CNTNAP2: variants seen among roughly 807,000 people sequenced by gnomAD.
CNTNAP2 encodes the protein contactin-associated protein-like 2.
Under a neutral mutation model 155.2 loss-of-function variants are expected in CNTNAP2, and 98 were observed. That is an observed-to-expected ratio of 0.63 (90% confidence interval 0.54 to 0.75). CNTNAP2 has a LOEUF of 0.75. Among genes scored for constraint, CNTNAP2 ranks in the 30% least tolerant of loss-of-function variants. The probability of loss-of-function intolerance (pLI) is 0.00; values close to 1 mark genes in which losing one functional copy is unlikely to be tolerated. For missense variants in CNTNAP2, 1,727 were observed against 1,688.1 expected (o/e 1.02, Z -0.40); for synonymous variants, 651 against 631.2 (o/e 1.03, Z -0.47).
intron 1 of CNTNAP2, among the ~76,000 whole-genome samples, chr7:146,156,104 C>T (rs563376611): frequency 1.2e-4 from 19 of 152,178 alleles, no homozygotes; most frequent in East Asian, 1.9e-4. Context: ...CTTCCCACAT[C>T]GTCTGGAACA....
intron 11 of CNTNAP2, among the ~76,000 whole-genome samples, chr7:147,543,877 C>A (rs745392557): frequency 2.0e-5 from 3 of 152,158 alleles, no homozygotes; most frequent in Non-Finnish European, 4.4e-5. Flanking sequence ...GGCTAAGTAA[C>A]CTCTTGTCTT....
At position 147,132,226 on chromosome 7, in the gene CNTNAP2, C is replaced by T; in HGVS notation, c.1084-19C>T. ...TTTTATTCTGTGTTTTCCTCAGAGC[C>T]TGTCTTTCTATTTTACAGGGAAATT... On this transcript the variant is annotated intron_variant, in intron 7 of 23. Coordinates refer to ENST00000361727, the MANE Select transcript of CNTNAP2 (RefSeq NM_014141.6). 6.2e-7 allele frequency: 1 copy of T among 1,613,288 alleles called. No homozygotes were observed. The highest frequency in any genetic ancestry group is 8.5e-7 in the Non-Finnish European group (1 of 1,179,516).
chr7:146,492,452 C>A (rs1797155208), intron 1 of CNTNAP2, among the ~76,000 whole-genome samples: 1 of 152,178 alleles, frequency 6.6e-6, no homozygotes, highest in South Asian at 2.1e-4. Flanking sequence ...TTTGGAGTTT[C>A]ATCTTAGTTC....
At chr7:147,692,495 G>T (rs755821052) in intron 13 of CNTNAP2, among the ~76,000 whole-genome samples, 1 of 152,054 alleles carries the variant, frequency 6.6e-6, no homozygotes, top group Non-Finnish European at 1.5e-5. Flanking sequence ...AGCTGTCATT[G>T]CTTCACATTC....
At chr7:147,524,976 G>T (rs555344568) in intron 11 of CNTNAP2, among the ~76,000 whole-genome samples, 45 of 152,276 alleles carry the variant, frequency 3.0e-4, no homozygotes, top group Admixed American at 2.4e-3. Context: ...TGAAACAATT[G>T]CTTGTTATAT....
intron 21 of CNTNAP2, among the ~76,000 whole-genome samples, chr7:148,295,737 C>T (rs1440026520): frequency 1.3e-5 from 2 of 151,944 alleles, no homozygotes; most frequent in Non-Finnish European, 2.9e-5. Context: ...GTGATCCATC[C>T]GCCTCGGCCT....
chr7:147,898,719 C>T (rs765065902), intron 13 of CNTNAP2, among the ~76,000 whole-genome samples: 1 of 152,106 alleles, frequency 6.6e-6, no homozygotes, highest in Admixed American at 6.5e-5. Context: ...GGGGTTTCAC[C>T]ATCTTGGCCA....
intron 20 of CNTNAP2, among the ~76,000 whole-genome samples, chr7:148,234,658 TAG>T (rs1369202717): frequency 6.6e-6 from 1 of 152,182 alleles, no homozygotes; most frequent in East Asian, 1.9e-4. Flanking sequence ...AACAAGTCTG[TAG>T]AGAGTGAGGT....
rs150716769 is a variant in CNTNAP2, at chr7:148,181,634, G to T, written c.3010+9156G>T. Among the ~76,000 whole-genome samples the T allele has an allele frequency of 7.9e-3, 1,194 of 151,242 alleles. 8 individuals carry two copies. The highest frequency in any genetic ancestry group is 0.018 in the South Asian group (86 of 4,784). ...AGAGAAAGAGATTTAAAAATTCAGTGCAGAAAAAGCAAGTCCTCCGTAAAC... is the reference window on the plus strand; with the variant it reads ...AGAGAAAGAGATTTAAAAATTCAGTTCAGAAAAAGCAAGTCCTCCGTAAAC... On this transcript the variant is annotated intron_variant, in intron 18 of 23. Transcript: ENST00000361727.
chr7:146,612,914 A>G (rs187723217), intron 1 of CNTNAP2, among the ~76,000 whole-genome samples: 1 of 140,652 alleles, frequency 7.1e-6, no homozygotes, highest in Non-Finnish European at 1.5e-5. Flanking sequence ...TGTTTCACTT[A>G]TAGCTCTAAC....
intron 9 of CNTNAP2, among the ~76,000 whole-genome samples, chr7:147,348,682 A>T (rs1189904041): frequency 1.3e-5 from 2 of 152,052 alleles, no homozygotes; most frequent in Non-Finnish European, 2.9e-5. Flanking sequence ...TAGCAAAGAG[A>T]TATCTACACC....
chr7:148,205,070 C>T (rs1418061453), intron 18 of CNTNAP2, among the ~76,000 whole-genome samples: 2 of 152,242 alleles, frequency 1.3e-5, no homozygotes, highest in Non-Finnish European at 2.9e-5. Context: ...GCTGAATCAA[C>T]AAACTCACAA....
At chr7:146,467,089 A>G (rs1207457166) in intron 1 of CNTNAP2, among the ~76,000 whole-genome samples, 1 of 152,176 alleles carries the variant, frequency 6.6e-6, no homozygotes, top group Non-Finnish European at 1.5e-5. Context: ...ATGACAATAT[A>G]TGAAAGACTT....
chr7:146,786,085 T>C (rs1345837857), intron 2 of CNTNAP2, among the ~76,000 whole-genome samples: 1 of 152,166 alleles, frequency 6.6e-6, no homozygotes, highest in Non-Finnish European at 1.5e-5. Flanking sequence ...ACAGAGTTCA[T>C]TCAATAGACA....
chr7:146,399,461 G>A (rs1318200324), intron 1 of CNTNAP2, among the ~76,000 whole-genome samples: 2 of 152,066 alleles, frequency 1.3e-5, no homozygotes, highest in African/African-American at 4.8e-5. Context: ...CACCTAACAT[G>A]ATGATCTCCA....
chr7:146,622,003 C>A (rs1799325877), intron 1 of CNTNAP2, among the ~76,000 whole-genome samples: 1 of 151,974 alleles, frequency 6.6e-6, no homozygotes, highest in South Asian at 2.1e-4. Flanking sequence ...CAAATAATTT[C>A]AGCTCTGGCC....
chr7:146,645,993 C>T (rs1243745198), intron 1 of CNTNAP2, among the ~76,000 whole-genome samples: 1 of 152,140 alleles, frequency 6.6e-6, no homozygotes, highest in Admixed American at 6.6e-5. Context: ...GGAAAAGTCA[C>T]ATATGTCACT....
At chr7:146,478,433 C>T (rs893573180) in intron 1 of CNTNAP2, among the ~76,000 whole-genome samples, 2 of 152,118 alleles carry the variant, frequency 1.3e-5, no homozygotes, top group Middle Eastern at 3.4e-3. Context: ...TCCTGGACAC[C>T]AACACCCTCC....
chr7:146,391,398 C>T (rs1795542125), intron 1 of CNTNAP2, among the ~76,000 whole-genome samples: 1 of 151,922 alleles, frequency 6.6e-6, no homozygotes, highest in African/African-American at 2.4e-5. Context: ...AAACATCTCT[C>T]CTCATATCTT....
Sources: gnomAD v4.1 joint callset for allele counts (sites outside exome capture counted in the v4.1 genomes callset) on GRCh38, gnomAD v4.1.1 for gene constraint, MANE v1.5 for transcripts, NCBI Gene and HGNC (gene_info 2026-07-23, HGNC 2026-07-21) for gene names.